Variants in MICAL2 observed in about 807,000 individuals in gnomAD.
MICAL2 encodes microtubule associated monooxygenase, calponin and LIM domain containing 2.
A neutral mutation model predicts 127.3 loss-of-function variants in MICAL2; 77 were observed. The ratio of observed to expected loss-of-function variants is 0.60; its 90% CI spans 0.50 to 0.73. MICAL2 has a LOEUF of 0.73. Ranked by LOEUF, MICAL2 falls within the 30% of genes least tolerant of loss-of-function variation. The pLI, the probability that MICAL2 is intolerant of heterozygous loss-of-function variation, is 0.00. For missense variants in MICAL2, 1,351 were observed against 1,434.4 expected (o/e 0.94, Z 0.94); for synonymous variants, 570 against 551.1 (o/e 1.03, Z -0.48).
chr11:12,357,702 G>T (rs889779872), intron 34 of MICAL2, among the ~76,000 whole-genome samples: 11 of 152,102 alleles, frequency 7.2e-5, no homozygotes, highest in Non-Finnish European at 1.6e-4. Flanking sequence ...GCCAGGCGTG[G>T]TGGGAGACAC....
chr11:12,329,273 C>G (rs1446344532), intron 32 of MICAL2, among the ~76,000 whole-genome samples: 1 of 152,218 alleles, frequency 6.6e-6, no homozygotes, highest in African/African-American at 2.4e-5. Context: ...GAGTCACTGT[C>G]CATCTCTACA....
intron 6 of MICAL2, among the ~76,000 whole-genome samples, chr11:12,211,855 G>C (rs1258051487): frequency 6.6e-6 from 1 of 152,196 alleles, no homozygotes; most frequent in African/African-American, 2.4e-5. Context: ...CGGCGGGCTG[G>C]ACAGCACAAC....
At chr11:12,355,882 T>A (rs1939119992) in intron 34 of MICAL2, among the ~76,000 whole-genome samples, 6 of 152,150 alleles carry the variant, frequency 3.9e-5, no homozygotes, top group Admixed American at 3.9e-4. Context: ...CAGACTAAAG[T>A]GGTATAAATC....
intron 32 of MICAL2, among the ~76,000 whole-genome samples, chr11:12,348,159 A>AG (rs1243902011): frequency 6.6e-6 from 1 of 151,232 alleles, no homozygotes; most frequent in African/African-American, 2.4e-5. Flanking sequence ...GTCTCAAAAA[A>AG]AAAAAAAAAA....
intron 1 of MICAL2, among the ~76,000 whole-genome samples, chr11:12,119,392 T>G (rs970943775): frequency 6.6e-6 from 1 of 152,254 alleles, no homozygotes; most frequent in Non-Finnish European, 1.5e-5. Flanking sequence ...TTCATCGCTC[T>G]TATGCTCTAT....
At chr11:12,266,152 A>G (rs1031212645), downstream of MICAL2, among the ~76,000 whole-genome samples, 1 of 152,188 alleles carries the variant, frequency 6.6e-6, no homozygotes, top group African/African-American at 2.4e-5. Context: ...CTACTGAATT[A>G]GTAAAGAAAA....
At chr11:12,192,590 C>A (rs1221447039) in intron 3 of MICAL2, among the ~76,000 whole-genome samples, 1 of 152,108 alleles carries the variant, frequency 6.6e-6, no homozygotes, top group Non-Finnish European at 1.5e-5. Flanking sequence ...CCAGCCTGGC[C>A]AACATGGTGA....
At chr11:12,294,435 C>A, downstream of MICAL2, 1 of 1,614,216 alleles carries the variant, frequency 6.2e-7, no homozygotes. Flanking sequence ...CAGTCCTCAG[C>A]CTTTAGCCCT....
At chr11:12,142,035 G>A (rs534392207) in intron 2 of MICAL2, among the ~76,000 whole-genome samples, 12 of 152,178 alleles carry the variant, frequency 7.9e-5, no homozygotes, top group African/African-American at 1.4e-4. Context: ...CACCCATAGC[G>A]CAAGCTGGTG....
At chr11:12,218,945 A>T (rs760289863) in intron 8 of MICAL2, among the ~76,000 whole-genome samples, 9 of 152,210 alleles carry the variant, frequency 5.9e-5, no homozygotes, top group Non-Finnish European at 7.4e-5. Flanking sequence ...AGGAATTCCC[A>T]TTCATCGGTC....
intron 29 of MICAL2, among the ~76,000 whole-genome samples, chr11:12,301,923 C>T (rs781588284): frequency 1.3e-5 from 2 of 152,160 alleles, no homozygotes; most frequent in Non-Finnish European, 2.9e-5. Context: ...CTCAAACGGA[C>T]AGAGAAAGGA....
intron 32 of MICAL2, among the ~76,000 whole-genome samples, chr11:12,348,788 G>A (rs1266766962): frequency 3.3e-5 from 5 of 152,144 alleles, no homozygotes; most frequent in Non-Finnish European, 5.9e-5. Flanking sequence ...CATTTCTTCA[G>A]CTATCAAGTG....
chr11:12,135,378 A>G (rs1565011733), intron 1 of MICAL2, among the ~76,000 whole-genome samples: 1 of 152,158 alleles, frequency 6.6e-6, no homozygotes, highest in Non-Finnish European at 1.5e-5. Flanking sequence ...CAATTTGCCC[A>G]AAGTCACATA....
upstream of MICAL2, chr11:12,274,596 G>A (rs1042910442): frequency 2.0e-5 from 3 of 152,210 alleles, no homozygotes; most frequent in African/African-American, 4.8e-5. Flanking sequence ...GCATGGAAAC[G>A]TCTGGGGATA....
intron 3 of MICAL2, among the ~76,000 whole-genome samples, chr11:12,178,046 T>A (rs11022229): frequency 1.3e-5 from 2 of 152,224 alleles, no homozygotes; most frequent in African/African-American, 4.8e-5. Flanking sequence ...GGATGAAGGC[T>A]GCTGCCTGAA....
chr11:12,230,048 A>G (rs1178974348), intron 15 of MICAL2, among the ~76,000 whole-genome samples: 1 of 152,308 alleles, frequency 6.6e-6, no homozygotes, highest in African/African-American at 2.4e-5. Context: ...TCGTAAGGCT[A>G]CTGGGTCACC....
chr11:12,354,814 A>C, exon 34 of MICAL2: 1 of 1,614,094 alleles, frequency 6.2e-7, no homozygotes, highest in South Asian at 1.1e-5. Flanking sequence ...AAGATCATCA[A>C]AGCAGACTGG....
At chr11:12,239,086 G>T (rs529090031) in intron 16 of MICAL2, among the ~76,000 whole-genome samples, 14 of 152,200 alleles carry the variant, frequency 9.2e-5, no homozygotes, top group African/African-American at 3.4e-4. Context: ...GATTATACTT[G>T]GTTTTTGCAG....
intron 3 of MICAL2, among the ~76,000 whole-genome samples, chr11:12,183,012 T>A (rs1286599440): frequency 1.3e-5 from 2 of 152,172 alleles, no homozygotes; most frequent in Non-Finnish European, 2.9e-5. Context: ...CTATCTGCTG[T>A]TCCAAGCCAA....
Sources: gnomAD v4.1 joint callset for allele counts (sites outside exome capture counted in the v4.1 genomes callset) on GRCh38, gnomAD v4.1.1 for gene constraint, MANE v1.5 for transcripts, NCBI Gene and HGNC (gene_info 2026-07-23, HGNC 2026-07-21) for gene names.